The following DCDC1 variants were observed in gnomAD, a reference collection of about 807,000 sequenced individuals.
The protein encoded by DCDC1 is doublecortin domain-containing protein 1.
In DCDC1, 200 loss-of-function variants were observed where a neutral mutation model predicts 178.3. That is an observed-to-expected ratio of 1.12 (90% CI 1.00 to 1.26). DCDC1 has a LOEUF of 1.26. Among genes scored for constraint, DCDC1 ranks in the 50% most tolerant of loss-of-function variants. DCDC1 has a pLI of 0.00. For synonymous variants in DCDC1, 690 were observed against 604.8 expected (o/e 1.14, Z -2.07); for missense variants, 1,983 against 1,749.2 (o/e 1.13, Z -2.38).
At chr11:31,103,567 C>T in intron 14 of DCDC1, 77 bp downstream of exon 14, 1 of 635,472 alleles carries the variant, frequency 1.6e-6, no homozygotes, top group Non-Finnish European at 2.8e-6. Context: ...TTTCGAATCT[C>T]TTACTCTGAA....
intron 22 of DCDC1, among the ~76,000 whole-genome samples, chr11:30,930,386 A>G (rs1946851673): frequency 6.6e-6 from 1 of 152,138 alleles, no homozygotes; most frequent in Non-Finnish European, 1.5e-5. Flanking sequence ...ATGATATTAT[A>G]GAACACTTTC....
chr11:31,083,751 T>C (rs546223646), intron 17 of DCDC1, among the ~76,000 whole-genome samples: 1 of 152,278 alleles, frequency 6.6e-6, no homozygotes, highest in Admixed American at 6.5e-5. Flanking sequence ...CCAAACAAAA[T>C]CCATGGGTTA....
chr11:31,225,148 G>A (rs1261157618), intron 9 of DCDC1, among the ~76,000 whole-genome samples: 1 of 151,974 alleles, frequency 6.6e-6, no homozygotes, highest in Non-Finnish European at 1.5e-5. Context: ...AAGAAAATGT[G>A]GCATATATAC....
chr11:30,970,411 G>A (rs909574521), intron 20 of DCDC1, among the ~76,000 whole-genome samples: 2 of 152,138 alleles, frequency 1.3e-5, no homozygotes, highest in Non-Finnish European at 2.9e-5. Flanking sequence ...CCCACTTGCA[G>A]CTACCACTGT....
chr11:31,263,762 A>C lies in DCDC1; in HGVS notation c.1054+1745T>G, dbSNP rs1356799828. Among the ~76,000 whole-genome samples, 3 of 152,330 alleles carry C rather than the reference A, an allele frequency of 2.0e-5. No individual in the cohort carries two copies. The East Asian group carries it at 5.8e-4, about 29-fold the overall frequency. ...GAGAAAATGGGAAACAAATGGAAGT[A>C]TCTGCTGTAGCAACATCCCAAAATC... On this transcript the variant is annotated intron_variant, in intron 8 of 38. Transcript: ENST00000684477.
chr11:31,009,206 G>C (rs1952025704), intron 20 of DCDC1, among the ~76,000 whole-genome samples: 1 of 151,988 alleles, frequency 6.6e-6, no homozygotes, highest in African/African-American at 2.4e-5. Context: ...CCTTTATCCT[G>C]CCAAAAAGAC....
chr11:31,177,395 T>C (rs1260868549), intron 9 of DCDC1, among the ~76,000 whole-genome samples: 1 of 151,170 alleles, frequency 6.6e-6, no homozygotes, highest in Non-Finnish European at 1.5e-5. Flanking sequence ...AATAAATAAT[T>C]TTAAGACTGA....
chr11:31,027,302 T>C (rs747773905), intron 20 of DCDC1, among the ~76,000 whole-genome samples: 6 of 151,798 alleles, frequency 4.0e-5, no homozygotes, highest in Non-Finnish European at 7.4e-5. Context: ...TTGCCTAAAT[T>C]CTCTGCCTCC....
At chr11:31,178,511 T>C (rs1968363922) in intron 9 of DCDC1, among the ~76,000 whole-genome samples, 1 of 151,958 alleles carries the variant, frequency 6.6e-6, no homozygotes, top group Middle Eastern at 3.2e-3. Flanking sequence ...CAAGTAAAAA[T>C]AGACAAATGA....
chr11:31,331,970 G>C lies in DCDC1; in HGVS notation c.-7+3477C>G, dbSNP rs149911105. On this transcript the variant is annotated intron_variant, in intron 2 of 38. Coordinates refer to ENST00000684477, the MANE Select transcript of DCDC1 (RefSeq NM_001387274.1). ...GAAGAAATGGTACCAGCTCCTCCTT[G>C]TACCTCTGGTAGAATTTGACTGTGA... Among the ~76,000 whole-genome samples the C allele has an allele frequency of 5.2e-3, 796 of 152,216 alleles. 5 individuals are homozygous for C. Among genetic ancestry groups the C allele is most frequent in the African/African-American group, 0.019 (772 of 41,548 alleles).
chr11:31,106,497 C>T (rs1414072196), intron 13 of DCDC1, among the ~76,000 whole-genome samples: 2 of 152,178 alleles, frequency 1.3e-5, no homozygotes, highest in Non-Finnish European at 2.9e-5. Flanking sequence ...GTGGCGTTTC[C>T]ATCTGCTATC....
At chr11:31,290,526 A>G in intron 7 of DCDC1, 121 bp downstream of exon 7, 1 of 1,106,942 alleles carries the variant, frequency 9.0e-7, no homozygotes, top group Non-Finnish European at 1.3e-6. Context: ...TTAGTTCTAT[A>G]TAATGTCTTG....
chr11:31,186,500 A>C (rs936697831), intron 9 of DCDC1, among the ~76,000 whole-genome samples: 2 of 152,122 alleles, frequency 1.3e-5, no homozygotes, highest in African/African-American at 4.8e-5. Context: ...TTGGGTCCTC[A>C]GCCATAGCCT....
intron 9 of DCDC1, among the ~76,000 whole-genome samples, chr11:31,235,085 C>A (rs1243843175): frequency 1.3e-5 from 2 of 152,026 alleles, no homozygotes; most frequent in Admixed American, 6.6e-5. Flanking sequence ...CATAAGATAT[C>A]TTCATCTAAC....
intron 2 of DCDC1, among the ~76,000 whole-genome samples, chr11:31,329,630 A>C (rs1257988510): frequency 6.6e-6 from 1 of 152,032 alleles, no homozygotes; most frequent in Non-Finnish European, 1.5e-5. Flanking sequence ...ATTCCCACCT[A>C]TGAGTGAGAA....
At chr11:31,110,552 G>A (rs1486771694) in intron 11 of DCDC1, among the ~76,000 whole-genome samples, 191 bp from the exon 12 acceptor site, 2 of 152,098 alleles carry the variant, frequency 1.3e-5, no homozygotes, top group African/African-American at 4.8e-5. Context: ...AATTGGCAAT[G>A]GAATCAACAG....
chr11:31,224,979 T>C (rs779404195), intron 9 of DCDC1, among the ~76,000 whole-genome samples: 3 of 152,118 alleles, frequency 2.0e-5, no homozygotes, highest in Admixed American at 6.6e-5. Context: ...AGTATAAAAC[T>C]ACCATTTTAT....
intron 20 of DCDC1, among the ~76,000 whole-genome samples, chr11:31,022,619 CTTGT>C (rs1316696907): frequency 2.5e-5 from 3 of 120,376 alleles, no homozygotes; most frequent in South Asian, 2.7e-4. Context: ...TACAGTCTTT[CTTGT>C]TTATCTAGTG....
intron 9 of DCDC1, among the ~76,000 whole-genome samples, chr11:31,206,558 C>A (rs1029026500): frequency 2.0e-5 from 3 of 152,142 alleles, no homozygotes; most frequent in Non-Finnish European, 4.4e-5. Context: ...GGATTACAGG[C>A]ATGCGCCACC....
Sources: allele counts gnomAD v4.1 joint callset (sites outside exome capture counted in the v4.1 genomes callset), GRCh38; gene constraint gnomAD v4.1.1; transcripts MANE v1.5; gene names NCBI Gene and HGNC (gene_info 2026-07-23, HGNC 2026-07-21).